Variants in ATP2B2 observed in about 807,000 individuals in gnomAD.
ATP2B2 encodes the protein ATPase plasma membrane Ca2+ transporting 2.
Under a neutral mutation model 120.0 loss-of-function variants are expected in ATP2B2, and 15 were observed. That is an observed-to-expected ratio of 0.12 (90% CI 0.08 to 0.19). The LOEUF is 0.19. ATP2B2 is among the 10% of genes least tolerant of loss of function. The pLI, the probability that ATP2B2 is intolerant of heterozygous loss-of-function variation, is 1.00. For synonymous variants in ATP2B2, 694 were observed against 700.3 expected (o/e 0.99, Z 0.14); for missense variants, 1,045 against 1,719.8 (o/e 0.61, Z 6.94).
intron 2 of ATP2B2, among the ~76,000 whole-genome samples, chr3:10,435,347 G>C (rs532372768): frequency 6.6e-6 from 1 of 152,106 alleles, no homozygotes; most frequent in Non-Finnish European, 1.5e-5. Flanking sequence ...TCTCATTGAG[G>C]GGGTGGTATG....
intron 2 of ATP2B2, among the ~76,000 whole-genome samples, chr3:10,570,787 G>C (rs1329238410): frequency 1.3e-5 from 2 of 152,162 alleles, no homozygotes; most frequent in Non-Finnish European, 2.9e-5. Context: ...CCTGCAATGA[G>C]ACCTACTCTC....
chr3:10,677,634 G>A (rs1235715597), intron 1 of ATP2B2, among the ~76,000 whole-genome samples: 1 of 152,134 alleles, frequency 6.6e-6, no homozygotes, highest in Non-Finnish European at 1.5e-5. Context: ...GTTGTTTGAT[G>A]GGGAGGGAGT....
chr3:10,371,982 T>C lies in ATP2B2; in HGVS notation c.1486A>G (p.Ile496Val), dbSNP rs748424364. Residue 496 changes from isoleucine to valine, a missense_variant, in exon 12 of 23, where the codon ATC (isoleucine) becomes GTC (valine). Physicochemically the swap from Ile to Val is conservative, Grantham distance 29. Coordinates refer to ENST00000360273, the MANE Select transcript of ATP2B2 (RefSeq NM_001001331.4). ...AGCGTGCCTGTCTTGTCTGAGCAGA[T>C]GGCTGTGGCATTGCCCATGGTCTCA... ...ACETMGNATA[I>V]CSDKTGTLTT... 1.2e-6 allele frequency: 2 copies of C among 1,614,206 alleles called. No individual in the cohort carries two copies. Among genetic ancestry groups the C allele is most frequent in the Admixed American group, 1.7e-5 (1 of 60,020 alleles).
rs756350386 is a variant in ATP2B2, at chr3:10,402,339, G to A, written c.407C>T (p.Thr136Met). The change falls in exon 4 of 23, where the codon ACG becomes ATG. Residue 136 changes from threonine (T) to methionine (M), a missense_variant. Coordinates refer to ENST00000360273, the MANE Select transcript of ATP2B2 (RefSeq NM_001001331.4). This position sits in a 1 kb window ranked among gnomAD's most constrained non-coding sequence, Gnocchi z 4.9. The stretch of plus-strand genomic sequence containing the variant: ...TTCATCCTCTGCCCCACCCTGGGCC[G>A]TCGCACATCCTGAAAGACCAGATAG... ...PPGEGNEGCA[T>M]AQGGAEDEGE... 40 of 1,613,270 alleles carry A rather than the reference G, an allele frequency of 2.5e-5. No individual in the cohort carries two copies. The highest frequency in any genetic ancestry group is 3.3e-5 in the Admixed American group (2 of 59,996).
intron 2 of ATP2B2, among the ~76,000 whole-genome samples, chr3:10,425,228 T>C (rs940408364): frequency 5.9e-5 from 9 of 152,018 alleles, no homozygotes; most frequent in Non-Finnish European, 1.5e-5. Flanking sequence ...GAGAATCACT[T>C]GAACCCAGGA....
At chr3:10,379,413 G>C in intron 8 of ATP2B2, 129 bp from the exon 9 acceptor site, 1 of 1,061,358 alleles carries the variant, frequency 9.4e-7, no homozygotes, top group African/African-American at 1.6e-5. Context: ...GCATCCCTCT[G>C]TGTGGGGATA....
At chr3:10,634,612 C>G (rs1347797570) in intron 1 of ATP2B2, among the ~76,000 whole-genome samples, 3 of 152,154 alleles carry the variant, frequency 2.0e-5, no homozygotes, top group Admixed American at 2.0e-4. Context: ...AAATATAAAC[C>G]ACATCTTTGG....
Position 10,645,357 on chromosome 3 carries a change from A to T in ATP2B2, c.-459-25396T>A, listed in dbSNP as rs140094322. 7.2e-5 allele frequency among the ~76,000 whole-genome samples: 11 copies of T among 152,364 alleles called. No homozygotes were observed. In the East Asian group the frequency reaches 2.1e-3, roughly 29 times the overall value. On this transcript the variant is annotated intron_variant, in intron 1 of 21. Transcript: ENST00000646379. ...GAGTATGAACAGTGGATTAAGCAATAGCAGTGGAATAATGTTAAATTTGCA... is the reference window on the plus strand; with the variant it reads ...GAGTATGAACAGTGGATTAAGCAATTGCAGTGGAATAATGTTAAATTTGCA...
Position 10,375,268 on chromosome 3 carries a change from G to C in ATP2B2, c.1416+162C>G, listed in dbSNP as rs536264232. On this transcript the variant is annotated intron_variant, in intron 11 of 22. Coordinates refer to ENST00000360273, the MANE Select transcript of ATP2B2 (RefSeq NM_001001331.4). This position sits in a 1 kb window ranked among gnomAD's most constrained non-coding sequence, Gnocchi z 4.2. ...ACAGGCCCCTGGACTCTATGAAAGC[G>C]TCAGAGTTTTGGGGTCCTGCATACA... 6.6e-6 allele frequency among the ~76,000 whole-genome samples: 1 copy of C among 152,128 alleles called. No homozygotes were observed. Among genetic ancestry groups the C allele is most frequent in the South Asian group, 2.1e-4 (1 of 4,834 alleles).
intron 1 of ATP2B2, among the ~76,000 whole-genome samples, chr3:10,697,154 T>C (rs2571211): frequency 0.42 from 63,744 of 152,048 alleles, 16,316 homozygotes; most frequent in Non-Finnish European, 0.57. Flanking sequence ...CCTCTCCCAT[T>C]GTGCTTTTTT....
At chr3:10,658,804 A>T (rs2070705883) in intron 1 of ATP2B2, among the ~76,000 whole-genome samples, 2 of 152,020 alleles carry the variant, frequency 1.3e-5, no homozygotes, top group South Asian at 4.2e-4. Context: ...AGATTCACCG[A>T]AGTTGAAATG....
At chr3:10,533,982 C>G (rs1042234621) in intron 3 of ATP2B2, 4 of 152,382 alleles carry the variant, frequency 2.6e-5, no homozygotes, top group Admixed American at 2.6e-4. Flanking sequence ...ACCCCCACCC[C>G]CAGCAGCTCT....
chr3:10,697,428 T>C (rs543717545), intron 1 of ATP2B2, among the ~76,000 whole-genome samples: 9 of 152,266 alleles, frequency 5.9e-5, no homozygotes, highest in African/African-American at 2.2e-4. Context: ...ATCTACTCCA[T>C]AGAGACACAG....
At chr3:10,614,326 T>C (rs1234159511) in intron 2 of ATP2B2, among the ~76,000 whole-genome samples, 3 of 151,956 alleles carry the variant, frequency 2.0e-5, no homozygotes, top group African/African-American at 7.2e-5. Context: ...ATATAAATGA[T>C]CTGGTACCTC....
chr3:10,445,101 G>A (rs1342555460), intron 2 of ATP2B2, among the ~76,000 whole-genome samples: 1 of 152,230 alleles, frequency 6.6e-6, no homozygotes, highest in African/African-American at 2.4e-5. Context: ...CTTTCAAGGG[G>A]ATGGGGCCCA....
intron 2 of ATP2B2, among the ~76,000 whole-genome samples, chr3:10,593,608 A>T (rs1466555859): frequency 6.6e-6 from 1 of 152,130 alleles, no homozygotes; most frequent in African/African-American, 2.4e-5. Context: ...AACCATAAAA[A>T]CCCTAGAAGA....
At chr3:10,553,991 A>G (rs986663448) in intron 2 of ATP2B2, among the ~76,000 whole-genome samples, 1 of 107,260 alleles carries the variant, frequency 9.3e-6, no homozygotes, top group African/African-American at 3.7e-5. Flanking sequence ...ACACAGACCC[A>G]CGTTTGTTTT....
intron 12 of ATP2B2, among the ~76,000 whole-genome samples, chr3:10,364,680 C>T (rs904158871): frequency 6.6e-6 from 1 of 151,962 alleles, no homozygotes; most frequent in Non-Finnish European, 1.5e-5. Context: ...CACTGCACTC[C>T]AGCCTGGGCG....
chr3:10,555,921 T>C (rs771685295), intron 2 of ATP2B2, among the ~76,000 whole-genome samples: 1 of 152,202 alleles, frequency 6.6e-6, no homozygotes, highest in Non-Finnish European at 1.5e-5. Flanking sequence ...ATTTTGGAGA[T>C]GGAGTCTTGC....
Sources: allele counts gnomAD v4.1 joint callset (sites outside exome capture counted in the v4.1 genomes callset), GRCh38; gene constraint gnomAD v4.1.1; non-coding constraint Gnocchi (gnomAD v3.1); transcripts MANE v1.5; gene names NCBI Gene and HGNC (gene_info 2026-07-23, HGNC 2026-07-21).